The following ENTREP2 variants were observed in gnomAD, a reference collection of about 807,000 sequenced individuals.
ENTREP2 encodes endosomal transmembrane epsin interactor 2.
At chr15:29,139,471 AT>A in the ENTREP2 span, among the ~76,000 whole-genome samples, 2 of 152,226 alleles carry the variant, frequency 1.3e-5, no homozygotes, top group Admixed American at 1.3e-4. Flanking sequence ...ATCAGGAAAT[AT>A]TTTCAATTAG....
At chr15:29,633,121 C>T in the ENTREP2 span, among the ~76,000 whole-genome samples, 7 of 152,296 alleles carry the variant, frequency 4.6e-5, no homozygotes, top group Middle Eastern at 3.4e-3. Context: ...TCCAAACTCC[C>T]GTGGGAGTAA....
the ENTREP2 span, among the ~76,000 whole-genome samples, chr15:29,655,569 T>A: frequency 2.0e-5 from 3 of 152,256 alleles, no homozygotes; most frequent in Admixed American, 2.0e-4. Flanking sequence ...TAGATATCAC[T>A]GGATGTTGGA....
the ENTREP2 span, chr15:29,269,467 C>G: frequency 1.2e-6 from 2 of 1,612,888 alleles, no homozygotes; most frequent in Non-Finnish European, 1.7e-6. Flanking sequence ...CTTCTGGCTC[C>G]TGGGCCCCAC....
the ENTREP2 span, among the ~76,000 whole-genome samples, chr15:29,372,819 A>G: frequency 1.3e-5 from 2 of 152,296 alleles, no homozygotes; most frequent in African/African-American, 2.4e-5. Flanking sequence ...AAACAGACCC[A>G]TATCTAGCAG....
the ENTREP2 span, chr15:29,269,337 G>A: frequency 6.2e-7 from 1 of 1,614,222 alleles, no homozygotes; most frequent in East Asian, 2.2e-5. Context: ...AGAGGTCGGG[G>A]AAGATGTCCT....
the ENTREP2 span, among the ~76,000 whole-genome samples, chr15:29,346,870 G>A: frequency 6.6e-6 from 1 of 152,264 alleles, no homozygotes; most frequent in African/African-American, 2.4e-5. Context: ...TCCAAAAGGC[G>A]CAAGTCACAT....
the ENTREP2 span, chr15:29,381,875 C>T: frequency 2.6e-6 from 4 of 1,525,080 alleles, no homozygotes; most frequent in Non-Finnish European, 3.6e-6. Context: ...CTTCCGAAAC[C>T]TTGCATGGGC....
the ENTREP2 span, among the ~76,000 whole-genome samples, chr15:29,347,777 C>T: frequency 2.0e-5 from 3 of 152,322 alleles, no homozygotes; most frequent in South Asian, 2.1e-4. Flanking sequence ...CAGGAGTCTA[C>T]GCAGGCTCGC....
At chr15:29,248,324 G>C in the ENTREP2 span, among the ~76,000 whole-genome samples, 4 of 151,820 alleles carry the variant, frequency 2.6e-5, no homozygotes, top group East Asian at 7.7e-4. Context: ...ATGATTCTAA[G>C]GTAAGATTAC....
At chr15:29,463,140 C>A in the ENTREP2 span, among the ~76,000 whole-genome samples, 1 of 152,082 alleles carries the variant, frequency 6.6e-6, no homozygotes, top group African/African-American at 2.4e-5. Context: ...CAGGCTGATT[C>A]CCCTGCAGAA....
chr15:29,229,437 A>G, the ENTREP2 span, among the ~76,000 whole-genome samples: 1 of 152,086 alleles, frequency 6.6e-6, no homozygotes, highest in Non-Finnish European at 1.5e-5. Flanking sequence ...CTATCTTTCA[A>G]TTCTTAATTG....
At chr15:29,418,106 T>C in the ENTREP2 span, among the ~76,000 whole-genome samples, 2 of 152,224 alleles carry the variant, frequency 1.3e-5, no homozygotes, top group African/African-American at 4.8e-5. Flanking sequence ...CTGTGAAGTC[T>C]AAGTTATGCA....
the ENTREP2 span, among the ~76,000 whole-genome samples, chr15:29,305,574 G>A: frequency 6.6e-6 from 1 of 152,170 alleles, no homozygotes; most frequent in Admixed American, 6.5e-5. Flanking sequence ...ACTTTGCTGA[G>A]AGGGAGAGGA....
At chr15:29,243,683 T>C in the ENTREP2 span, among the ~76,000 whole-genome samples, 1 of 152,206 alleles carries the variant, frequency 6.6e-6, no homozygotes, top group Non-Finnish European at 1.5e-5. Flanking sequence ...TTTGCTAAAA[T>C]GTTTATTTTT....
the ENTREP2 span, among the ~76,000 whole-genome samples, chr15:29,300,725 A>T: frequency 6.6e-6 from 1 of 152,026 alleles, no homozygotes; most frequent in Non-Finnish European, 1.5e-5. Context: ...CAGCCTCCCG[A>T]GTAGCTGGGA....
the ENTREP2 span, chr15:29,570,575 C>T: frequency 6.8e-7 from 1 of 1,470,336 alleles, no homozygotes. Flanking sequence ...CGCGGCGAAG[C>T]TGACTGCCAC....
the ENTREP2 span, among the ~76,000 whole-genome samples, chr15:29,514,244 G>A: frequency 6.6e-6 from 1 of 151,992 alleles, no homozygotes; most frequent in South Asian, 2.1e-4. Flanking sequence ...CCTCCCTCCA[G>A]CCCCCGGCAA....
the ENTREP2 span, among the ~76,000 whole-genome samples, chr15:29,386,127 A>C: frequency 6.6e-6 from 1 of 152,142 alleles, no homozygotes; most frequent in African/African-American, 2.4e-5. Context: ...CTCCAAGCCC[A>C]TGTGTGATCT....
At chr15:29,533,705 T>A in the ENTREP2 span, among the ~76,000 whole-genome samples, 1 of 152,058 alleles carries the variant, frequency 6.6e-6, no homozygotes, top group Non-Finnish European at 1.5e-5. Flanking sequence ...ATCCTCACCT[T>A]GGAATTTCCC....
Sources: allele counts gnomAD v4.1 joint callset (sites outside exome capture counted in the v4.1 genomes callset), GRCh38; gene constraint gnomAD v4.1.1; transcripts MANE v1.5; gene names NCBI Gene and HGNC (gene_info 2026-07-23, HGNC 2026-07-21).